The following NRDC variants were observed in gnomAD, a reference collection of about 807,000 sequenced individuals.
NRDC encodes nardilysin.
NRDC carries 54 observed loss-of-function variants against 147.1 expected under a neutral mutation model. That is an observed-to-expected ratio of 0.37 (90% CI 0.29 to 0.46). The LOEUF (loss-of-function observed/expected upper bound fraction) is 0.46, where lower values mean the gene tolerates loss of function less well. Ranked by LOEUF, NRDC falls within the 20% of genes least tolerant of loss-of-function variation. The pLI, the probability that NRDC is intolerant of heterozygous loss-of-function variation, is 1.00. For synonymous variants in NRDC, 440 were observed against 482.1 expected (o/e 0.91, Z 1.14); for missense variants, 1,082 against 1,370.6 (o/e 0.79, Z 3.33).
At position 51,821,357 on chromosome 1, in the gene NRDC, T is replaced by C. The variant is rs930806431; in HGVS notation, c.1217+141A>G. ...GTTTACCCACTCAAAAGCTGTGTGATCTTGACAGTCATTAAGTTTGTTTAG... is the reference window on the plus strand; with the variant it reads ...GTTTACCCACTCAAAAGCTGTGTGACCTTGACAGTCATTAAGTTTGTTTAG... On this transcript the variant is annotated intron_variant, in intron 8 of 30. Coordinates refer to ENST00000352171, the MANE Select transcript of NRDC (RefSeq NM_001101662.2). 83 of 530,218 alleles carry C rather than the reference T, an allele frequency of 1.6e-4. 1 individual carries two copies. The highest frequency in any genetic ancestry group is 9.0e-4 in the South Asian group (28 of 30,948). The allele number at this position is 530,218 out of a possible 1,614,324, so 32.8% of individuals were successfully genotyped here. A position where few individuals can be genotyped will look rare whatever the true frequency, so the allele number is the denominator to read the frequency against.
intron 1 of NRDC, among the ~76,000 whole-genome samples, chr1:51,841,660 C>T (rs1681272479): frequency 6.6e-6 from 1 of 152,126 alleles, no homozygotes; most frequent in South Asian, 2.1e-4. Context: ...ATTTAGCACC[C>T]TTTACATATC....
Position 51,878,709 on chromosome 1 carries a change from A to C in NRDC, c.-94T>G, listed in dbSNP as rs1571937085. 3 of 1,139,136 alleles carry C rather than the reference A, an allele frequency of 2.6e-6. No individual in the cohort carries two copies. The highest frequency in any genetic ancestry group is 4.3e-5 in the Admixed American group (2 of 46,750). 70.6% of individuals were successfully genotyped at this position (1,139,136 alleles called of 1,614,324 possible). A position where few individuals can be genotyped will look rare whatever the true frequency, so the allele number is the denominator to read the frequency against. On this transcript the variant is annotated 5_prime_UTR_variant, in exon 1 of 31. Transcript: ENST00000352171. Reference sequence around the variant, plus strand: ...TGGCGGCCGGCCCTGGTGCTGCCGCAGCCGCGGGGAACAGGCCTGAACCCC... The same window carrying C: ...TGGCGGCCGGCCCTGGTGCTGCCGCCGCCGCGGGGAACAGGCCTGAACCCC...
chr1:51,845,548 G>C (rs1412277975), intron 1 of NRDC, among the ~76,000 whole-genome samples: 1 of 152,118 alleles, frequency 6.6e-6, no homozygotes, highest in African/African-American at 2.4e-5. Flanking sequence ...AGCCAGGATT[G>C]CACCACAGCA....
At chr1:51,795,069 T>A in intron 22 of NRDC, 1 of 1,459,320 alleles carries the variant, frequency 6.9e-7, no homozygotes, top group South Asian at 1.3e-5. Flanking sequence ...GTTCTGGCTC[T>A]CTTGGCAATC....
chr1:51,837,383 A>G, intron 2 of NRDC: 1 of 1,153,358 alleles, frequency 8.7e-7, no homozygotes, highest in South Asian at 3.1e-5. Flanking sequence ...TATAAACCCC[A>G]TTTTGAAGAC....
chr1:51,853,952 G>T (rs1018454297), intron 1 of NRDC, among the ~76,000 whole-genome samples: 6 of 152,078 alleles, frequency 3.9e-5, no homozygotes, highest in Non-Finnish European at 8.8e-5. Context: ...TTTTTCTTGT[G>T]CTTTATATCA....
intron 4 of NRDC, among the ~76,000 whole-genome samples, chr1:51,831,926 CA>C (rs932823725): frequency 9.7e-5 from 14 of 143,638 alleles, no homozygotes; most frequent in East Asian, 2.0e-4. Flanking sequence ...AGACTGTCTC[CA>C]AAAAAAAAAT....
At chr1:51,814,968 C>T (rs1404063921) in intron 11 of NRDC, among the ~76,000 whole-genome samples, 155 bp from the exon 12 acceptor site, 1 of 152,084 alleles carries the variant, frequency 6.6e-6, no homozygotes, top group Admixed American at 6.5e-5. Context: ...TCTAAAAGTG[C>T]AAATTTTAAA....
At chr1:51,793,254 A>G (rs1169200029) in intron 24 of NRDC, among the ~76,000 whole-genome samples, 1 of 152,256 alleles carries the variant, frequency 6.6e-6, no homozygotes, top group Non-Finnish European at 1.5e-5. Context: ...ACATAGTCTT[A>G]CAATGTGAAA....
chr1:51,845,952 C>T (rs1265760708), intron 1 of NRDC, among the ~76,000 whole-genome samples: 3 of 151,074 alleles, frequency 2.0e-5, no homozygotes, highest in Non-Finnish European at 4.4e-5. Flanking sequence ...AAATCTAACA[C>T]CTAATTTAAA....
intron 1 of NRDC, among the ~76,000 whole-genome samples, chr1:51,859,177 T>A (rs77851381): frequency 6.6e-6 from 1 of 152,236 alleles, no homozygotes; most frequent in Admixed American, 6.5e-5. Flanking sequence ...ATAGTCTGAA[T>A]GGGGAAAAGA....
At chr1:51,803,781 T>C in intron 20 of NRDC, 33 bp downstream of exon 20, 1 of 1,560,642 alleles carries the variant, frequency 6.4e-7, no homozygotes, top group Non-Finnish European at 8.7e-7. Context: ...ATTTTAATGC[T>C]CTCTATAAGG....
rs1402620921 is a variant in NRDC at position 51,790,419 on chromosome 1, G to A, written c.3168+114C>T. The stretch of plus-strand genomic sequence containing the variant: ...GGAAGTGAGCGAGTAATCAGGCCAG[G>A]ACTAGTGTTTCGAGTTTCTCTTCCA... On this transcript the variant is annotated intron_variant, in intron 29 of 30. Coordinates refer to ENST00000352171, the MANE Select transcript of NRDC (RefSeq NM_001101662.2). The A allele has an allele frequency of 6.7e-6, 5 of 749,732 alleles. No homozygotes were observed. The African/African-American group carries it at 6.9e-5, about 10-fold the overall frequency. The allele number at this position is 749,732 out of a possible 1,614,324, so 46.4% of individuals were successfully genotyped here.
chr1:51,794,798 C>G, intron 23 of NRDC, 25 bp downstream of exon 23: 1 of 1,613,060 alleles, frequency 6.2e-7, no homozygotes, highest in Non-Finnish European at 8.5e-7. Context: ...ACACATAACC[C>G]CAAAGAGAAA....
intron 1 of NRDC, among the ~76,000 whole-genome samples, chr1:51,843,836 T>C (rs916928327): frequency 6.6e-6 from 1 of 150,390 alleles, no homozygotes; most frequent in Non-Finnish European, 1.5e-5. Context: ...GTAGTCCCAA[T>C]ATCTGTATCA....
intron 16 of NRDC, among the ~76,000 whole-genome samples, chr1:51,810,044 T>G (rs1279111262): frequency 6.6e-6 from 1 of 152,198 alleles, no homozygotes; most frequent in Non-Finnish European, 1.5e-5. Context: ...CTTCTAAAAC[T>G]AAGTCAAAAC....
At chr1:51,856,082 G>A (rs1682226996) in intron 1 of NRDC, among the ~76,000 whole-genome samples, 1 of 152,126 alleles carries the variant, frequency 6.6e-6, no homozygotes, top group African/African-American at 2.4e-5. Context: ...CATTTCTGAT[G>A]AATCTCAAAT....
chr1:51,814,900 T>C (rs953968083), intron 11 of NRDC, 87 bp from the exon 12 acceptor site: 9 of 1,338,386 alleles, frequency 6.7e-6, no homozygotes, highest in Non-Finnish European at 8.0e-6. Context: ...AGAGGCTTTC[T>C]ATGTAAAATG....
chr1:51,814,129 T>G, intron 13 of NRDC, 40 bp from the exon 14 acceptor site: 1 of 1,358,118 alleles, frequency 7.4e-7, no homozygotes, highest in East Asian at 2.3e-5. Flanking sequence ...TACATTAAAA[T>G]TTCTGCCTAC....
Sources: gnomAD v4.1 joint callset for allele counts (sites outside exome capture counted in the v4.1 genomes callset) on GRCh38, gnomAD v4.1.1 for gene constraint, MANE v1.5 for transcripts, NCBI Gene and HGNC (gene_info 2026-07-23, HGNC 2026-07-21) for gene names.